Variants in CREB1 observed in about 807,000 individuals in gnomAD.
CREB1 encodes cyclic AMP-responsive element-binding protein 1.
A neutral mutation model predicts 42.0 loss-of-function variants in CREB1; 2 were observed. The ratio of observed to expected loss-of-function variants is 0.05; its 90% confidence interval spans 0.02 to 0.15. CREB1 has a LOEUF of 0.15. Ranked by LOEUF, CREB1 falls within the 10% of genes least tolerant of loss-of-function variation. The pLI, the probability that CREB1 is intolerant of heterozygous loss-of-function variation, is 1.00. For synonymous variants in CREB1, 123 were observed against 139.9 expected (o/e 0.88, Z 0.85); for missense variants, 199 against 388.9 (o/e 0.51, Z 4.11).
intron 1 of CREB1, among the ~76,000 whole-genome samples, chr2:207,535,986 A>C (rs964869520): frequency 6.6e-6 from 1 of 151,750 alleles, no homozygotes; most frequent in Non-Finnish European, 1.5e-5. Context: ...AGGCCCGGCT[A>C]ATTTTTTGTA....
At chr2:207,567,762 A>AT in intron 4 of CREB1, 199 bp downstream of exon 4, 1 of 374,414 alleles carries the variant, frequency 2.7e-6, no homozygotes, top group Non-Finnish European at 4.8e-6. Flanking sequence ...CACCAGTCCT[A>AT]ATTTTTTTTT....
intron 7 of CREB1, among the ~76,000 whole-genome samples, chr2:207,579,818 T>C (rs980633047): frequency 1.3e-5 from 2 of 152,160 alleles, no homozygotes; most frequent in African/African-American, 4.8e-5. Flanking sequence ...TATAAAAAGG[T>C]ACAAATTCCC....
chr2:207,556,664 C>G (rs2081735199), intron 2 of CREB1, among the ~76,000 whole-genome samples: 1 of 152,268 alleles, frequency 6.6e-6, no homozygotes, highest in South Asian at 2.1e-4. Flanking sequence ...GTGTTTTCTC[C>G]TAAGACCACC....
intron 7 of CREB1, among the ~76,000 whole-genome samples, chr2:207,589,082 G>T (rs2084469522): frequency 6.6e-6 from 1 of 152,058 alleles, no homozygotes; most frequent in Admixed American, 6.6e-5. Context: ...ATCTTAGGGG[G>T]TGTATTAGTT....
chr2:207,574,799 ATTAG>A (rs1297078837), intron 5 of CREB1, among the ~76,000 whole-genome samples: 1 of 152,212 alleles, frequency 6.6e-6, no homozygotes, highest in Non-Finnish European at 1.5e-5. Flanking sequence ...GAACTGCTTT[ATTAG>A]TTATATGTTA....
chr2:207,574,570 C>A (rs965416904), intron 5 of CREB1, among the ~76,000 whole-genome samples: 8 of 152,052 alleles, frequency 5.3e-5, no homozygotes, highest in African/African-American at 1.9e-4. Flanking sequence ...AGGGCATAAA[C>A]AACAAAGGGT....
intron 3 of CREB1, among the ~76,000 whole-genome samples, chr2:207,566,667 G>C (rs1222250492): frequency 6.6e-6 from 1 of 152,154 alleles, no homozygotes; most frequent in Non-Finnish European, 1.5e-5. Flanking sequence ...ACTCGGGTGA[G>C]TTACTTCTTT....
intron 1 of CREB1, among the ~76,000 whole-genome samples, chr2:207,539,053 T>TC (rs2080988286): frequency 6.6e-6 from 1 of 151,312 alleles, no homozygotes. Flanking sequence ...TCTTTTTTTT[T>TC]TTTTTTGAGA....
At chr2:207,534,024 A>G (rs1457608323) in intron 1 of CREB1, among the ~76,000 whole-genome samples, 1 of 152,230 alleles carries the variant, frequency 6.6e-6, no homozygotes, top group Non-Finnish European at 1.5e-5. Flanking sequence ...TAGGGCTACA[A>G]CTAATGATAG....
chr2:207,587,129 C>A (rs1030416862), intron 7 of CREB1, among the ~76,000 whole-genome samples: 1 of 152,132 alleles, frequency 6.6e-6, no homozygotes, highest in Non-Finnish European at 1.5e-5. Flanking sequence ...CGTGGTGGCT[C>A]ACGCCTGTAA....
intron 7 of CREB1, among the ~76,000 whole-genome samples, chr2:207,594,391 C>T (rs1281778477): frequency 3.3e-5 from 5 of 152,100 alleles, no homozygotes; most frequent in East Asian, 1.9e-4. Flanking sequence ...TTCCTCGTTC[C>T]CCCAGCCCCT....
intron 3 of CREB1, among the ~76,000 whole-genome samples, chr2:207,562,671 A>G (rs2081998821): frequency 6.6e-6 from 1 of 152,190 alleles, no homozygotes; most frequent in East Asian, 1.9e-4. Context: ...TAGAATATCT[A>G]TTTTAATAGT....
chr2:207,602,249 A>G lies in CREB1; in HGVS notation c.*5191A>G, dbSNP rs2087192257. On this transcript the variant is annotated 3_prime_UTR_variant, in exon 8 of 8. Transcript: ENST00000353267. Reference sequence around the variant, plus strand: ...TTAAAAAAAGAAAAATTTAAAAAATATATAAATAAAATAGAACAAAGCCGG... The same window carrying G: ...TTAAAAAAAGAAAAATTTAAAAAATGTATAAATAAAATAGAACAAAGCCGG... The G allele has an allele frequency of 5.4e-6, 1 of 185,880 alleles. No individual in the cohort carries two copies. Among genetic ancestry groups the G allele is most frequent in the East Asian group, 8.6e-5 (1 of 11,564 alleles). The allele number at this position is 185,880 out of a possible 1,614,324, so 11.5% of individuals were successfully genotyped here.
chr2:207,589,882 G>A (rs944267217), intron 7 of CREB1, among the ~76,000 whole-genome samples: 1 of 152,052 alleles, frequency 6.6e-6, no homozygotes, highest in Non-Finnish European at 1.5e-5. Context: ...TTATGTCTAC[G>A]TTTATGGCTA....
At chr2:207,553,122 G>A (rs111869276) in intron 1 of CREB1, among the ~76,000 whole-genome samples, 2,201 of 137,660 alleles carry the variant, frequency 0.016, 30 homozygotes, top group Non-Finnish European at 0.022. Context: ...AGGCTGGAGT[G>A]CAGTGGCACC....
chr2:207,573,364 G>T (rs2082447264), intron 5 of CREB1, among the ~76,000 whole-genome samples: 1 of 152,186 alleles, frequency 6.6e-6, no homozygotes, highest in South Asian at 2.1e-4. Flanking sequence ...GACCTCATTT[G>T]ATATTTACAA....
At chr2:207,548,494 T>C (rs1375480854) in intron 1 of CREB1, among the ~76,000 whole-genome samples, 1 of 152,076 alleles carries the variant, frequency 6.6e-6, no homozygotes, top group Non-Finnish European at 1.5e-5. Flanking sequence ...CTCACACCTG[T>C]AATCCCAGCA....
chr2:207,554,709 G>A (rs998154559), intron 1 of CREB1, among the ~76,000 whole-genome samples: 7 of 152,068 alleles, frequency 4.6e-5, no homozygotes, highest in African/African-American at 1.4e-4. Context: ...CCAAATGTAA[G>A]ATCAATTTTT....
chr2:207,570,145 T>C (rs760678248), intron 4 of CREB1, 34 bp from the exon 5 acceptor site: 15 of 1,521,906 alleles, frequency 9.9e-6, no homozygotes, highest in East Asian at 4.7e-5. Flanking sequence ...ATTGTACTTA[T>C]ATTTTTAATT....
Sources: allele counts gnomAD v4.1 joint callset (sites outside exome capture counted in the v4.1 genomes callset), GRCh38; gene constraint gnomAD v4.1.1; transcripts MANE v1.5; gene names NCBI Gene and HGNC (gene_info 2026-07-23, HGNC 2026-07-21).